Variants in SYNPR observed in about 807,000 individuals in gnomAD.
The protein encoded by SYNPR is synaptoporin.
Under a neutral mutation model 32.9 loss-of-function variants are expected in SYNPR, and 23 were observed. That is an observed-to-expected ratio of 0.70 (90% CI 0.50 to 0.99). SYNPR has a LOEUF of 0.99. SYNPR is among the 50% of genes least tolerant of loss of function. SYNPR has a pLI of 0.00. For synonymous variants in SYNPR, 146 were observed against 135.9 expected (o/e 1.07, Z -0.52); for missense variants, 318 against 349.3 (o/e 0.91, Z 0.71).
chr3:63,294,750 GTT>G (rs2086776428), intron 2 of SYNPR, among the ~76,000 whole-genome samples: 1 of 152,040 alleles, frequency 6.6e-6, no homozygotes, highest in African/African-American at 2.4e-5. Context: ...TATAACATAA[GTT>G]TGCCATTTGC....
chr3:63,507,973 T>C (rs531252598), intron 3 of SYNPR, among the ~76,000 whole-genome samples: 1 of 152,220 alleles, frequency 6.6e-6, no homozygotes, highest in Admixed American at 6.5e-5. Flanking sequence ...TTTAGTAATA[T>C]ATTTTGTTTA....
intron 3 of SYNPR, among the ~76,000 whole-genome samples, chr3:63,515,163 C>T (rs767957464): frequency 2.0e-5 from 3 of 152,002 alleles, no homozygotes; most frequent in Non-Finnish European, 2.9e-5. Context: ...TCTGCCCCCC[C>T]ATCTTTTCAA....
At chr3:63,556,190 C>T (rs1356754977) in intron 3 of SYNPR, among the ~76,000 whole-genome samples, 1 of 152,136 alleles carries the variant, frequency 6.6e-6, no homozygotes, top group East Asian at 1.9e-4. Flanking sequence ...CAGTTAGGGG[C>T]ACCAAGGTAA....
intron 2 of SYNPR, among the ~76,000 whole-genome samples, chr3:63,260,912 A>C (rs1691867319): frequency 6.6e-6 from 1 of 152,212 alleles, no homozygotes; most frequent in Non-Finnish European, 1.5e-5. Flanking sequence ...GAAAGATATG[A>C]ACAGACACTT....
At chr3:63,574,000 C>A (rs1457470076) in intron 4 of SYNPR, among the ~76,000 whole-genome samples, 1 of 152,022 alleles carries the variant, frequency 6.6e-6, no homozygotes, top group Non-Finnish European at 1.5e-5. Flanking sequence ...AGAATCTGGA[C>A]TCTTTTCTTT....
At chr3:63,602,478 T>A (rs940651970) in intron 4 of SYNPR, among the ~76,000 whole-genome samples, 1 of 152,176 alleles carries the variant, frequency 6.6e-6, no homozygotes, top group African/African-American at 2.4e-5. Context: ...TTTATAGTTT[T>A]GGGTTTAAAT....
intron 2 of SYNPR, among the ~76,000 whole-genome samples, chr3:63,386,876 T>A (rs1442198301): frequency 6.6e-6 from 1 of 152,210 alleles, no homozygotes; most frequent in Admixed American, 6.5e-5. Context: ...GTGGCTCAGG[T>A]CAGAGGAAAG....
chr3:63,577,482 G>T (rs1036188198), intron 4 of SYNPR, among the ~76,000 whole-genome samples: 3 of 152,060 alleles, frequency 2.0e-5, no homozygotes, highest in African/African-American at 7.2e-5. Context: ...TTTTTGGAAG[G>T]GAGGGACAGG....
rs544442342 is a variant in SYNPR at position 63,364,919 on chromosome 3, G to A, written c.84+86177G>A. The stretch of plus-strand genomic sequence containing the variant: ...GGGTAAATGAATATCCTCGGTGGCT[G>A]AAATATGGTCTCAAGTGACCTGAAT... On this transcript the variant is annotated intron_variant, in intron 2 of 5. Transcript: ENST00000478300. Among the ~76,000 whole-genome samples, 39 of 152,294 alleles carry A rather than the reference G, an allele frequency of 2.6e-4. 2 individuals carry two copies. In the South Asian group the frequency reaches 8.1e-3, roughly 32 times the overall value.
chr3:63,508,659 G>C (rs1701636111), intron 3 of SYNPR, among the ~76,000 whole-genome samples: 1 of 152,136 alleles, frequency 6.6e-6, no homozygotes, highest in Admixed American at 6.5e-5. Flanking sequence ...GACTGGCCTG[G>C]TTAGGGTCAT....
intron 2 of SYNPR, among the ~76,000 whole-genome samples, chr3:63,312,017 C>A (rs528382914): frequency 6.6e-6 from 1 of 151,832 alleles, no homozygotes; most frequent in Non-Finnish European, 1.5e-5. Flanking sequence ...CAGGATGGTC[C>A]CTTTTAGAAC....
chr3:63,208,099 C>CAGTAACTTCCAGAATATACTTCT, the SYNPR span, among the ~76,000 whole-genome samples: 14 of 152,042 alleles, frequency 9.2e-5, no homozygotes, highest in Non-Finnish European at 1.5e-4. Flanking sequence ...AATATACTTC[C>CAGTAACTTCCAGAATATACTTCT]GAAAGTCAGT....
At chr3:63,601,709 G>C (rs557012555) in intron 4 of SYNPR, among the ~76,000 whole-genome samples, 2 of 152,192 alleles carry the variant, frequency 1.3e-5, no homozygotes, top group South Asian at 4.1e-4. Context: ...ATAGTATTCT[G>C]TCCTGTATAT....
chr3:63,483,658 T>C (rs887234739), intron 3 of SYNPR, among the ~76,000 whole-genome samples: 1 of 152,104 alleles, frequency 6.6e-6, no homozygotes, highest in African/African-American at 2.4e-5. Flanking sequence ...TCCAGTGAGA[T>C]GAAATGATAA....
At chr3:63,202,939 T>C in the SYNPR span, among the ~76,000 whole-genome samples, 2 of 151,758 alleles carry the variant, frequency 1.3e-5, no homozygotes. Context: ...TATTAATGAA[T>C]ACAGAAAATT....
Position 63,475,928 on chromosome 3 carries a change from C to T in SYNPR, c.85-4904C>T, listed in dbSNP as rs547487463. ...TCTCAGCTGCTAGCATTAATGGCCT[C>T]TCGAGCATCAGTGGTCAAGCAAGGA... On this transcript the variant is annotated intron_variant, in intron 2 of 5. Coordinates refer to ENST00000478300, the MANE Select transcript of SYNPR (RefSeq NM_001130003.2). Among the ~76,000 whole-genome samples the T allele has an allele frequency of 1.7e-3, 256 of 152,154 alleles. 1 individual carries two copies. Among genetic ancestry groups the T allele is most frequent in the African/African-American group, 5.8e-3 (240 of 41,496 alleles).
chr3:63,296,300 T>C (rs1416500593), intron 2 of SYNPR, among the ~76,000 whole-genome samples: 2 of 152,136 alleles, frequency 1.3e-5, no homozygotes, highest in Non-Finnish European at 2.9e-5. Context: ...TTCTCAAACA[T>C]TGTGAGGTCC....
Position 63,346,105 on chromosome 3 carries a change from G to A in SYNPR, c.84+67363G>A, listed in dbSNP as rs571380258. On this transcript the variant is annotated intron_variant, in intron 2 of 5. Coordinates refer to ENST00000478300, the MANE Select transcript of SYNPR (RefSeq NM_001130003.2). ...GCTAGGATTACAGGTGTGAGCCACC[G>A]TGCCCAACCATGGAACTATTTTATT... Among the ~76,000 whole-genome samples the A allele has an allele frequency of 1.5e-3, 232 of 152,116 alleles. 2 individuals carry two copies. Among genetic ancestry groups the A allele is most frequent in the African/African-American group, 5.3e-3 (218 of 41,500 alleles).
upstream of SYNPR, among the ~76,000 whole-genome samples, chr3:63,274,174 G>T (rs2086557367): frequency 6.6e-6 from 1 of 152,062 alleles, no homozygotes; most frequent in East Asian, 1.9e-4. Flanking sequence ...CCTGTATTAA[G>T]TTGCTGCAGA....
Sources: allele counts gnomAD v4.1 joint callset (sites outside exome capture counted in the v4.1 genomes callset), GRCh38; gene constraint gnomAD v4.1.1; transcripts MANE v1.5; gene names NCBI Gene and HGNC (gene_info 2026-07-23, HGNC 2026-07-21).